Variants in EFHD1 observed in about 807,000 individuals in gnomAD.
The protein encoded by EFHD1 is EF-hand domain family member D1.
In EFHD1, 10 loss-of-function variants were observed where a neutral mutation model predicts 17.2. That is an observed-to-expected ratio of 0.58 (90% CI 0.36 to 0.99). The LOEUF (loss-of-function observed/expected upper bound fraction) is 0.99, where lower values mean the gene tolerates loss of function less well. EFHD1 is among the 50% of genes least tolerant of loss of function. EFHD1 has a pLI of 0.01. For missense variants in EFHD1, 310 were observed against 327.5 expected (o/e 0.95, Z 0.41); for synonymous variants, 153 against 142.0 (o/e 1.08, Z -0.55).
rs1693756831 is a variant in EFHD1 at position 232,608,393 on chromosome 2, T to C, written c.14+2220T>C. The stretch of plus-strand genomic sequence containing the variant: ...AATAAATAAATGAATTGGTGTAGTA[T>C]TTGCATATAACCTACATATACTTAA... On this transcript the variant is annotated intron_variant, in intron 1 of 3. Coordinates refer to the EFHD1 transcript ENST00000409613. Among the ~76,000 whole-genome samples, 4 of 152,252 alleles carry C rather than the reference T, an allele frequency of 2.6e-5. No individual in the cohort carries two copies. In the South Asian group the frequency reaches 8.3e-4, roughly 32 times the overall value.
At chr2:232,631,181 C>G (rs943878015), upstream of EFHD1, among the ~76,000 whole-genome samples, 18 of 151,954 alleles carry the variant, frequency 1.2e-4, no homozygotes, top group Non-Finnish European at 2.5e-4. Context: ...GAGCCGAGAT[C>G]GCACCACTGC....
intron 1 of EFHD1, chr2:232,606,321 C>T (rs960626819): frequency 8.2e-6 from 8 of 972,430 alleles, no homozygotes; most frequent in African/African-American, 4.8e-5. Context: ...TTCCCTGCCC[C>T]GCGCACGGTC....
chr2:232,627,228 C>T lies in EFHD1; in HGVS notation c.14+21055C>T, dbSNP rs144669388. ...CCTTTGTGACAGAATGAAACCCTGT[C>T]TTAAAAAAACACAAACAGAAAAAAA... is the stretch of plus-strand genomic sequence containing the variant. On this transcript the variant is annotated intron_variant, in intron 1 of 3. Transcript: ENST00000409613. Among the ~76,000 whole-genome samples the T allele has an allele frequency of 4.3e-3, 613 of 143,862 alleles. 4 individuals are homozygous for T. The highest frequency in any genetic ancestry group is 0.015 in the African/African-American group (583 of 38,902). 94.4% of individuals were successfully genotyped at this position (143,862 alleles called of 152,430 possible). A position where few individuals can be genotyped will look rare whatever the true frequency, so the allele number is the denominator to read the frequency against.
At chr2:232,634,585 G>C (rs964572078) in intron 1 of EFHD1, among the ~76,000 whole-genome samples, 3 of 152,192 alleles carry the variant, frequency 2.0e-5, no homozygotes, top group Non-Finnish European at 4.4e-5. Flanking sequence ...CGGGGAGGGG[G>C]GGCGGTTGTG....
At chr2:232,614,057 T>TACACATGCACACACATACATATGC (rs144688838) in intron 1 of EFHD1, among the ~76,000 whole-genome samples, 1 of 149,892 alleles carries the variant, frequency 6.7e-6, no homozygotes, top group African/African-American at 2.5e-5. Context: ...CACACATACA[T>TACACATGCACACACATACATATGC]ACACATGCAC....
intron 2 of EFHD1, among the ~76,000 whole-genome samples, chr2:232,666,589 G>A (rs1483173265): frequency 2.0e-5 from 3 of 152,210 alleles, no homozygotes; most frequent in Non-Finnish European, 4.4e-5. Flanking sequence ...ATGATGCTTG[G>A]TTAGCTTTTG....
intron 1 of EFHD1, among the ~76,000 whole-genome samples, chr2:232,619,579 G>A (rs898491046): frequency 1.3e-5 from 2 of 152,116 alleles, no homozygotes; most frequent in African/African-American, 4.8e-5. Flanking sequence ...CCAAAGGCTG[G>A]AATTACGGGT....
intron 1 of EFHD1, among the ~76,000 whole-genome samples, chr2:232,651,710 T>G (rs1694657535): frequency 6.6e-6 from 1 of 152,226 alleles, no homozygotes; most frequent in African/African-American, 2.4e-5. Flanking sequence ...TAGTCCCACC[T>G]ACTCAGGAGG....
chr2:232,631,319 T>C (rs1694197843), upstream of EFHD1, among the ~76,000 whole-genome samples: 1 of 151,630 alleles, frequency 6.6e-6, no homozygotes, highest in South Asian at 2.1e-4. Flanking sequence ...TCTCTCTCTC[T>C]CAGACAGGTC....
At chr2:232,620,811 G>A (rs974658374) in intron 1 of EFHD1, among the ~76,000 whole-genome samples, 3 of 152,144 alleles carry the variant, frequency 2.0e-5, no homozygotes, top group African/African-American at 4.8e-5. Flanking sequence ...CAGACCCAGT[G>A]GGCCTTTGTC....
chr2:232,646,140 C>T (rs761990403), intron 1 of EFHD1, among the ~76,000 whole-genome samples: 9 of 152,226 alleles, frequency 5.9e-5, no homozygotes, highest in Non-Finnish European at 1.0e-4. Flanking sequence ...GATGTCATTA[C>T]CTTGCTTCCC....
chr2:232,615,812 C>T (rs548417487), intron 1 of EFHD1, among the ~76,000 whole-genome samples: 22 of 151,632 alleles, frequency 1.5e-4, no homozygotes, highest in Non-Finnish European at 2.7e-4. Context: ...CTCAGTCTCC[C>T]GAGTAGCTGG....
At chr2:232,653,579 C>T (rs1057014409) in intron 1 of EFHD1, among the ~76,000 whole-genome samples, 12 of 152,202 alleles carry the variant, frequency 7.9e-5, no homozygotes, top group South Asian at 2.1e-4. Flanking sequence ...CATGAGCCAC[C>T]GCTCCCGGCC....
In EFHD1 at chr2:232,607,409, G is replaced by A. The variant is rs539131441; in HGVS notation, c.14+1236G>A. Among the ~76,000 whole-genome samples, 166 of 148,864 alleles carry A rather than the reference G, an allele frequency of 1.1e-3. 1 individual carries two copies. The highest frequency in any genetic ancestry group is 0.011 in the East Asian group (54 of 5,094). ...TCAAGACCAGCCTGGCCAACATGGT[G>A]AAGCCCCGTCTCTCCTAAAAATTAA... On this transcript the variant is annotated intron_variant, in intron 1 of 3. Transcript: ENST00000409613.
exon 1 of EFHD1, chr2:232,606,137 C>T: frequency 6.5e-7 from 1 of 1,550,168 alleles, no homozygotes; most frequent in Non-Finnish European, 8.7e-7. Flanking sequence ...AGATCTGTAA[C>T]GCTGACAGTC....
At chr2:232,611,052 C>T (rs149866421) in intron 1 of EFHD1, among the ~76,000 whole-genome samples, 1 of 152,100 alleles carries the variant, frequency 6.6e-6, no homozygotes, top group African/African-American at 2.4e-5. Flanking sequence ...GTGGTGTGCA[C>T]CCATCGTCCT....
At position 232,672,459 on chromosome 2, in the gene EFHD1, C is replaced by T. The variant is rs542186174; in HGVS notation, c.585+16C>T. 3.2e-6 allele frequency: 5 copies of T among 1,571,834 alleles called. No individual in the cohort carries two copies. The South Asian group carries it at 6.0e-5, about 19-fold the overall frequency. On this transcript the variant is annotated intron_variant, in intron 3 of 3. Transcript: ENST00000264059. ...TGAAGCCAAGGTAGGTGCTTAGTTC[C>T]TTCTGTGAGGAGCAACCACTCCCAG... is the stretch of plus-strand genomic sequence containing the variant.
intron 1 of EFHD1, among the ~76,000 whole-genome samples, chr2:232,627,049 T>A: frequency 9.6e-6 from 1 of 104,586 alleles, no homozygotes; most frequent in Non-Finnish European, 1.9e-5. Flanking sequence ...TATATATATA[T>A]ATATATATAT....
intron 1 of EFHD1, among the ~76,000 whole-genome samples, chr2:232,623,350 A>G (rs1167791559): frequency 2.0e-5 from 3 of 152,154 alleles, no homozygotes; most frequent in Non-Finnish European, 4.4e-5. Context: ...CCGGCCTAGA[A>G]AATTTTCAAT....
Sources: gnomAD v4.1 joint callset for allele counts (sites outside exome capture counted in the v4.1 genomes callset) on GRCh38, gnomAD v4.1.1 for gene constraint, MANE v1.5 for transcripts, NCBI Gene and HGNC (gene_info 2026-07-23, HGNC 2026-07-21) for gene names.